CAPN2: variants seen among roughly 807,000 people sequenced by gnomAD.
The protein encoded by CAPN2 is calpain-2 catalytic subunit.
A neutral mutation model predicts 102.3 loss-of-function variants in CAPN2; 92 were observed. The observed-to-expected ratio is 0.90, with a 90% CI of 0.76 to 1.07. The LOEUF (loss-of-function observed/expected upper bound fraction) is 1.07. Among genes scored for constraint, CAPN2 ranks in the 50% least tolerant of loss-of-function variants. The pLI is 0.00. For missense variants in CAPN2, 800 were observed against 909.4 expected (o/e 0.88, Z 1.55); for synonymous variants, 340 against 355.4 (o/e 0.96, Z 0.49).
chr1:223,767,591 G>A (rs1661370611), intron 16 of CAPN2, among the ~76,000 whole-genome samples: 1 of 151,318 alleles, frequency 6.6e-6, no homozygotes, highest in Non-Finnish European at 1.5e-5. Flanking sequence ...GTCTATCGTT[G>A]TTGGACATTT....
At chr1:223,752,379 A>T (rs1329551060) in intron 8 of CAPN2, among the ~76,000 whole-genome samples, 1 of 152,194 alleles carries the variant, frequency 6.6e-6, no homozygotes, top group Non-Finnish European at 1.5e-5. Context: ...TTTCTCCCCC[A>T]GGTTCCGGAG....
chr1:223,752,711 G>C, intron 8 of CAPN2, 85 bp from the exon 9 acceptor site: 2 of 1,345,634 alleles, frequency 1.5e-6, no homozygotes, highest in Non-Finnish European at 2.1e-6. Flanking sequence ...GGCTTTGGGT[G>C]GCTCCTGGTC....
chr1:223,736,106 C>A (rs953764097), intron 2 of CAPN2, among the ~76,000 whole-genome samples: 3 of 152,158 alleles, frequency 2.0e-5, no homozygotes, highest in African/African-American at 2.4e-5. Flanking sequence ...CCCAAGTGAC[C>A]AGCACCCCTG....
At chr1:223,751,962 T>G (rs746176331) in intron 7 of CAPN2, 35 bp from the exon 8 acceptor site, 3 of 1,433,964 alleles carry the variant, frequency 2.1e-6, no homozygotes, top group Non-Finnish European at 9.7e-7. Context: ...GAAATCATCG[T>G]ACACTAACGC....
intron 2 of CAPN2, among the ~76,000 whole-genome samples, chr1:223,722,286 T>C (rs1218605531): frequency 5.3e-5 from 5 of 95,092 alleles, no homozygotes; most frequent in South Asian, 3.2e-4. Flanking sequence ...TCTTTCTTTT[T>C]TTTTTTTTTT....
intron 1 of CAPN2, among the ~76,000 whole-genome samples, chr1:223,707,192 A>G (rs1414373944): frequency 6.6e-6 from 1 of 151,954 alleles, no homozygotes; most frequent in Non-Finnish European, 1.5e-5. Context: ...AAAAGATTCC[A>G]TTGCCATGGC....
At chr1:223,752,750 A>C (rs1329604623) in intron 8 of CAPN2, 46 bp from the exon 9 acceptor site, 1 of 1,600,400 alleles carries the variant, frequency 6.2e-7, no homozygotes, top group South Asian at 1.1e-5. Context: ...AAGGCTTACC[A>C]GTGTGTCTTC....
chr1:223,769,283 G>GCTGATTTTT lies in CAPN2; in HGVS notation c.1756-555_1756-547dup, dbSNP rs531336300. On this transcript the variant is annotated intron_variant, in intron 16 of 20. Coordinates refer to ENST00000295006, the MANE Select transcript of CAPN2 (RefSeq NM_001748.5). ...CTACAGGTGCGCGCCACCATGCCCA[G>GCTGATTTTT]CTGATTTTTCTATTTTTAGTAGAGA... Among the ~76,000 whole-genome samples the GCTGATTTTT allele has an allele frequency of 2.8e-3, 420 of 152,014 alleles. 2 individuals carry two copies. Among genetic ancestry groups the GCTGATTTTT allele is most frequent in the African/African-American group, 9.8e-3 (404 of 41,306 alleles).
Position 223,725,471 on chromosome 1 carries a change from A to C in CAPN2, c.307+7640A>C, listed in dbSNP as rs1001206590. Among the ~76,000 whole-genome samples, 1 of 152,202 alleles carries C rather than the reference A, an allele frequency of 6.6e-6. No homozygotes were observed. The highest frequency in any genetic ancestry group is 2.4e-5 in the African/African-American group (1 of 41,456). ...AAAGCTCAGAGCTCCAGAGGCTGGT[A>C]CATAGTAAAGGTTTAATCCATGCAG... On this transcript the variant is annotated intron_variant, in intron 2 of 20. Transcript: ENST00000295006. The surrounding 1 kb of genome is among the most constrained non-coding windows in gnomAD (Gnocchi z 4.1).
In CAPN2 at chr1:223,744,123, A is replaced by G. The variant is rs755887143; in HGVS notation, c.331A>G (p.Ile111Val). ...AGGTGACTGCTGGCTGCTGGCAGCC[A>G]TTGCCTCCCTCACCTTGAATGAAGA... ...ALGDCWLLAA[I>V]ASLTLNEEIL... The change falls in exon 3 of 21, where the codon ATT becomes GTT. Residue 111 changes from isoleucine (I) to valine (V), a missense_variant. By Grantham distance (29) the Ile-to-Val change is conservative. Coordinates refer to ENST00000295006, the MANE Select transcript of CAPN2 (RefSeq NM_001748.5). The G allele has an allele frequency of 1.2e-6, 2 of 1,613,958 alleles. No individual in the cohort carries two copies. Among genetic ancestry groups the G allele is most frequent in the Non-Finnish European group, 1.7e-6 (2 of 1,179,802 alleles).
At chr1:223,773,537 T>C (rs532385965) in intron 20 of CAPN2, among the ~76,000 whole-genome samples, 45 of 152,148 alleles carry the variant, frequency 3.0e-4, no homozygotes, top group African/African-American at 1.0e-3. Context: ...CTACTAAAAA[T>C]ACAAAATTAG....
At chr1:223,720,428 A>G (rs1189288754) in intron 2 of CAPN2, among the ~76,000 whole-genome samples, 1 of 142,366 alleles carries the variant, frequency 7.0e-6, no homozygotes, top group Non-Finnish European at 1.5e-5. Flanking sequence ...TGATCCTCCC[A>G]CCTCAGCCTT....
chr1:223,703,571 GCTTTCTCAGAGTGGCA>G (rs1173536148), intron 1 of CAPN2, among the ~76,000 whole-genome samples: 1 of 152,230 alleles, frequency 6.6e-6, no homozygotes, highest in African/African-American at 2.4e-5. Flanking sequence ...GTTGGCCAAG[GCTTTCTCAGAGTGGCA>G]CTGCAGTCTA....
At chr1:223,705,722 T>C (rs1323570117) in intron 1 of CAPN2, among the ~76,000 whole-genome samples, 7 of 152,200 alleles carry the variant, frequency 4.6e-5, no homozygotes, top group Admixed American at 2.0e-4. Flanking sequence ...TCTATATTTG[T>C]TCCCTACAAC....
At position 223,714,095 on chromosome 1, in the gene CAPN2, C is replaced by A. The variant is rs138493597; in HGVS notation, c.237+1218C>A. 1.1e-4 allele frequency among the ~76,000 whole-genome samples: 17 copies of A among 152,292 alleles called. No individual in the cohort carries two copies. In the East Asian group the frequency reaches 3.1e-3, roughly 28 times the overall value. ...TCTTCCCAACTTAGTCACATGTTCC[C>A]TTCCTAAAGAGGTCTTTTCTGACCC... is the stretch of plus-strand genomic sequence containing the variant. On this transcript the variant is annotated intron_variant, in intron 1 of 20. Transcript: ENST00000295006.
rs1257475756 is a variant in CAPN2, at chr1:223,737,707, CG to C, written c.308-6387del. 3.4e-5 allele frequency among the ~76,000 whole-genome samples: 2 copies of C among 58,754 alleles called. 1 individual carries two copies. Among genetic ancestry groups the C allele is most frequent in the African/African-American group, 1.3e-4 (2 of 15,508 alleles). The allele number at this position is 58,754 out of a possible 152,430, so 38.5% of individuals were successfully genotyped here. A position where few individuals can be genotyped will look rare whatever the true frequency, so the allele number is the denominator to read the frequency against. ...TAAGGCCTGACCAAAAGAGACGGGG[CG>C]GGGGGTGGGGGGGAGAGAATACAAT... is the stretch of plus-strand genomic sequence containing the variant. On this transcript the variant is annotated intron_variant, in intron 2 of 20. Transcript: ENST00000295006.
chr1:223,752,677 CA>C (rs1660932398), intron 8 of CAPN2, 118 bp from the exon 9 acceptor site: 1 of 840,800 alleles, frequency 1.2e-6, no homozygotes, highest in Non-Finnish European at 1.9e-6. Context: ...CCCATCCACT[CA>C]GTTCTAATGA....
At position 223,749,100 on chromosome 1, in the gene CAPN2, A is replaced by G. The variant is rs1475546433; in HGVS notation, c.791A>G (p.Tyr264Cys). Residue 264 changes from tyrosine (Y) to cysteine (C), a missense_variant, in exon 6 of 21, where the codon TAC (tyrosine) becomes TGC (cysteine). Coordinates refer to ENST00000295006, the MANE Select transcript of CAPN2 (RefSeq NM_001748.5). ...TFQKLVKGHA[Y>C]SVTGAEEVES... The stretch of plus-strand genomic sequence containing the variant: ...CAGAAGCTGGTGAAGGGGCACGCGT[A>G]CTCGGTCACCGGAGCCGAGGAGGTA... 2 of 1,614,006 alleles carry G rather than the reference A, an allele frequency of 1.2e-6. No individual in the cohort carries two copies. Among genetic ancestry groups the G allele is most frequent in the South Asian group, 2.2e-5 (2 of 91,082 alleles).
At chr1:223,711,310 A>G (rs1659722219), upstream of CAPN2, among the ~76,000 whole-genome samples, 1 of 152,146 alleles carries the variant, frequency 6.6e-6, no homozygotes, top group Non-Finnish European at 1.5e-5. Context: ...GCCCATCTGC[A>G]TTTCTTGGCA....
Sources: gnomAD v4.1 joint callset for allele counts (sites outside exome capture counted in the v4.1 genomes callset) on GRCh38, gnomAD v4.1.1 for gene constraint, Gnocchi (gnomAD v3.1) non-coding constraint, MANE v1.5 for transcripts, NCBI Gene and HGNC (gene_info 2026-07-23, HGNC 2026-07-21) for gene names.